IGFL2: variants seen among roughly 807,000 people sequenced by gnomAD.
The protein encoded by IGFL2 is IGF like family member 2.
In IGFL2, 7 loss-of-function variants were observed where a neutral mutation model predicts 13.9. That is an observed-to-expected ratio of 0.51 (90% CI 0.29 to 0.95). The LOEUF (loss-of-function observed/expected upper bound fraction) is 0.95. Among genes scored for constraint, IGFL2 ranks in the 40% least tolerant of loss-of-function variants. The pLI is 0.08. For synonymous variants in IGFL2, 55 were observed against 55.8 expected (o/e 0.99, Z 0.07); for missense variants, 138 against 147.8 (o/e 0.93, Z 0.34).
chr19:46,212,819 C>T, the IGFL2 span: 1 of 152,124 alleles, frequency 6.6e-6, no homozygotes, highest in South Asian at 2.1e-4. Flanking sequence ...GACACAAAGC[C>T]TGGGACATGT....
the IGFL2 span, chr19:46,120,485 T>C: frequency 2.2e-6 from 3 of 1,349,452 alleles, no homozygotes; most frequent in Non-Finnish European, 3.0e-6. Flanking sequence ...TGTGTAGATA[T>C]CAACAGAAGG....
chr19:46,096,752 G>A, the IGFL2 span, among the ~76,000 whole-genome samples: 59 of 152,024 alleles, frequency 3.9e-4, no homozygotes, highest in South Asian at 6.2e-4. Flanking sequence ...TATGAGAGGC[G>A]TTTTTCTGCA....
At chr19:46,086,585 A>C in the IGFL2 span, among the ~76,000 whole-genome samples, 1 of 152,274 alleles carries the variant, frequency 6.6e-6, no homozygotes, top group East Asian at 1.9e-4. Context: ...CGGCCTCCCA[A>C]AGTGCTGGGA....
the IGFL2 span, among the ~76,000 whole-genome samples, chr19:46,177,348 G>A: frequency 1.3e-5 from 2 of 152,142 alleles, no homozygotes; most frequent in Non-Finnish European, 2.9e-5. Flanking sequence ...AGCTGAGATC[G>A]TACCACTACC....
At chr19:46,094,982 G>A in the IGFL2 span, among the ~76,000 whole-genome samples, 1 of 152,112 alleles carries the variant, frequency 6.6e-6, no homozygotes, top group African/African-American at 2.4e-5. Context: ...TAGTGCTGCA[G>A]TAAACATACA....
chr19:46,123,944 T>C, the IGFL2 span: 1 of 1,611,424 alleles, frequency 6.2e-7, no homozygotes. Context: ...CCCAGAACCC[T>C]CAACTTCACA....
chr19:46,149,204 TTCTC>T (rs1973325081), intron 1 of IGFL2, among the ~76,000 whole-genome samples: 2 of 146,252 alleles, frequency 1.4e-5, no homozygotes, highest in African/African-American at 5.1e-5. Context: ...CTCCCTCTCT[TTCTC>T]TCTCCCTCTC....
chr19:46,190,194 TCA>T, the IGFL2 span: 2 of 152,230 alleles, frequency 1.3e-5, no homozygotes, highest in Admixed American at 6.5e-5. Context: ...TGGGCCAGGC[TCA>T]GTTGACCTTG....
the IGFL2 span, among the ~76,000 whole-genome samples, chr19:46,128,308 C>G: frequency 6.6e-6 from 1 of 152,092 alleles, no homozygotes; most frequent in Non-Finnish European, 1.5e-5. Context: ...GTTTGATGTA[C>G]TCTCTTTTTA....
the IGFL2 span, among the ~76,000 whole-genome samples, chr19:46,095,996 A>C: frequency 3.7e-4 from 56 of 152,318 alleles, no homozygotes; most frequent in African/African-American, 1.2e-3. Context: ...TGTCTTGGCT[A>C]TATGGGCTCT....
chr19:46,168,355 G>A, the IGFL2 span, among the ~76,000 whole-genome samples: 3 of 152,264 alleles, frequency 2.0e-5, no homozygotes, highest in South Asian at 6.2e-4. Flanking sequence ...CTTATTTAAA[G>A]CATTTCACTC....
upstream of IGFL2, among the ~76,000 whole-genome samples, chr19:46,144,882 G>A (rs1030250116): frequency 2.1e-4 from 32 of 152,054 alleles, no homozygotes; most frequent in African/African-American, 7.2e-4. Flanking sequence ...TCTTACCTAT[G>A]TAATTGTTGA....
At position 46,161,110 on chromosome 19, in the gene IGFL2, A is replaced by G. The variant is rs765060599; in HGVS notation, c.*22A>G. 7 of 1,572,856 alleles carry G rather than the reference A, an allele frequency of 4.5e-6. No individual in the cohort carries two copies. The African/African-American group carries it at 8.1e-5, about 18-fold the overall frequency. On this transcript the variant is annotated 3_prime_UTR_variant, in exon 4 of 4. Coordinates refer to ENST00000377693, the MANE Select transcript of IGFL2 (RefSeq NM_001135113.2). The stretch of plus-strand genomic sequence containing the variant: ...CTGAGAAGACATAGAAAGAAAATCA[A>G]CTTTCACTAAGGCATCTCAGAAACA...
chr19:46,106,954 G>A, the IGFL2 span, among the ~76,000 whole-genome samples: 1 of 152,132 alleles, frequency 6.6e-6, no homozygotes, highest in Non-Finnish European at 1.5e-5. Context: ...TGGGGAAAAG[G>A]GTGGCAGTGA....
Position 46,161,182 on chromosome 19 carries a change from C to A in IGFL2, c.*94C>A. The A allele has an allele frequency of 1.1e-6, 1 of 906,564 alleles. No individual in the cohort carries two copies. Among genetic ancestry groups the A allele is most frequent in the South Asian group, 1.5e-5 (1 of 67,098 alleles). 56.2% of individuals were successfully genotyped at this position (906,564 alleles called of 1,614,324 possible). A position where few individuals can be genotyped will look rare whatever the true frequency, so the allele number is the denominator to read the frequency against. ...CCAGTAGAGAAGCCTGAGGAATTTA[C>A]AAAATGATGCAGCTCCAAGCCATTG... On this transcript the variant is annotated 3_prime_UTR_variant, in exon 4 of 4. Coordinates refer to ENST00000377693, the MANE Select transcript of IGFL2 (RefSeq NM_001135113.2).
chr19:46,202,258 C>T, the IGFL2 span, among the ~76,000 whole-genome samples: 1 of 152,080 alleles, frequency 6.6e-6, no homozygotes, highest in Non-Finnish European at 1.5e-5. Context: ...CATTTTTTGA[C>T]AAAATTATCT....
chr19:46,180,114 C>G, the IGFL2 span, among the ~76,000 whole-genome samples: 3 of 152,032 alleles, frequency 2.0e-5, no homozygotes, highest in Admixed American at 6.5e-5. Flanking sequence ...AGCCCTAACT[C>G]CATCTTGATT....
chr19:46,181,192 T>G, the IGFL2 span: 1 of 117,868 alleles, frequency 8.5e-6, no homozygotes, highest in African/African-American at 2.6e-5. Flanking sequence ...GTTGTGTGTT[T>G]TCTGTTTTAT....
At chr19:46,140,468 A>C (rs1019591082), upstream of IGFL2, among the ~76,000 whole-genome samples, 3 of 152,148 alleles carry the variant, frequency 2.0e-5, no homozygotes, top group East Asian at 5.8e-4. Flanking sequence ...ACTTGAGCCA[A>C]AGAGTTCAAG....
Sources: gnomAD v4.1 joint callset for allele counts (sites outside exome capture counted in the v4.1 genomes callset) on GRCh38, gnomAD v4.1.1 for gene constraint, MANE v1.5 for transcripts, NCBI Gene and HGNC (gene_info 2026-07-23, HGNC 2026-07-21) for gene names.